The following HMGB1 variants were observed in gnomAD, a reference collection of about 807,000 sequenced individuals.
HMGB1 encodes the protein high mobility group box 1.
For synonymous variants in HMGB1, 81 were observed against 84.0 expected (o/e 0.96, Z 0.19); for missense variants, 79 against 253.5 (o/e 0.31, Z 4.67).
chr13:30,544,594 G>T (rs139893100), intron 1 of HMGB1, among the ~76,000 whole-genome samples: 1 of 152,288 alleles, frequency 6.6e-6, no homozygotes, highest in East Asian at 1.9e-4. Context: ...TTCCTGGAAC[G>T]TGGTGCCCCT....
chr13:30,483,388 CTCCAG>C (rs1887282201), intron 1 of HMGB1, among the ~76,000 whole-genome samples: 1 of 152,106 alleles, frequency 6.6e-6, no homozygotes, highest in African/African-American at 2.4e-5. Flanking sequence ...CCAGCAAACC[CTCCAG>C]TCCTAGGGAT....
chr13:30,554,429 T>C, intron 1 of HMGB1: 1 of 839,102 alleles, frequency 1.2e-6, no homozygotes, highest in African/African-American at 1.7e-5. Flanking sequence ...CATGAGAAAA[T>C]ACTGAATGGG....
upstream of HMGB1, among the ~76,000 whole-genome samples, chr13:30,468,839 A>G (rs886952524): frequency 2.0e-5 from 3 of 152,156 alleles, no homozygotes; most frequent in Non-Finnish European, 4.4e-5. Flanking sequence ...CTTCCACATG[A>G]ATCCTTAGTC....
chr13:30,514,808 C>T (rs527848272), intron 1 of HMGB1, among the ~76,000 whole-genome samples: 5 of 152,230 alleles, frequency 3.3e-5, no homozygotes, highest in African/African-American at 1.2e-4. Context: ...TAACTATCAT[C>T]TTTTAACTGT....
intron 1 of HMGB1, among the ~76,000 whole-genome samples, chr13:30,549,790 C>T (rs750566634): frequency 5.3e-5 from 8 of 151,388 alleles, no homozygotes; most frequent in South Asian, 2.1e-4. Context: ...GATCTCGACT[C>T]ACTGCAACCT....
chr13:30,588,456 G>A (rs148912704), intron 1 of HMGB1, among the ~76,000 whole-genome samples: 6 of 152,248 alleles, frequency 3.9e-5, no homozygotes, highest in South Asian at 4.1e-4. Flanking sequence ...AGGACTGAGC[G>A]TGAAATGTTA....
intron 1 of HMGB1, among the ~76,000 whole-genome samples, chr13:30,543,659 T>C (rs1869016618): frequency 2.0e-5 from 3 of 152,156 alleles, no homozygotes; most frequent in African/African-American, 7.2e-5. Context: ...TTTGTTTGGA[T>C]ACCAGGGAGA....
intron 1 of HMGB1, among the ~76,000 whole-genome samples, chr13:30,518,371 T>C (rs1232013951): frequency 6.6e-6 from 1 of 152,148 alleles, no homozygotes; most frequent in African/African-American, 2.4e-5. Context: ...CCAGCTGTCT[T>C]TTCCTATTTC....
At chr13:30,554,331 G>C (rs1869576797) in intron 1 of HMGB1, 2 of 928,722 alleles carry the variant, frequency 2.2e-6, no homozygotes, top group Admixed American at 3.4e-5. Flanking sequence ...GAAGGCACTG[G>C]GTGCACGGGC....
chr13:30,583,346 A>G (rs1422565913), intron 1 of HMGB1, among the ~76,000 whole-genome samples: 1 of 151,924 alleles, frequency 6.6e-6, no homozygotes, highest in African/African-American at 2.4e-5. Flanking sequence ...CAGCTTAGAC[A>G]ACATGGTGAA....
chr13:30,537,159 C>A (rs1302763332), intron 1 of HMGB1, among the ~76,000 whole-genome samples: 1 of 152,108 alleles, frequency 6.6e-6, no homozygotes, highest in Admixed American at 6.6e-5. Context: ...ATGTTACAGG[C>A]ATTTCTCCTT....
At chr13:30,612,485 A>T (rs1950521734) in intron 1 of HMGB1, among the ~76,000 whole-genome samples, 1 of 152,210 alleles carries the variant, frequency 6.6e-6, no homozygotes. Context: ...TTACTAAAGC[A>T]TATCTAACCT....
intron 1 of HMGB1, among the ~76,000 whole-genome samples, chr13:30,514,513 T>G (rs3742304): frequency 0.099 from 15,076 of 151,720 alleles, 1,096 homozygotes; most frequent in African/African-American, 0.19. Flanking sequence ...TAGGTGACCT[T>G]TCTAATCAAT....
chr13:30,465,169 G>GCGGCGCCGCTCC, intron 1 of HMGB1: 3 of 961,128 alleles, frequency 3.1e-6, no homozygotes, highest in Non-Finnish European at 3.7e-6. Flanking sequence ...AGCGAGCGCA[G>GCGGCGCCGCTCC]CGGCGCCGCT....
chr13:30,535,458 T>C (rs1868385159), intron 1 of HMGB1, among the ~76,000 whole-genome samples: 1 of 152,224 alleles, frequency 6.6e-6, no homozygotes, highest in South Asian at 2.1e-4. Context: ...ACAAAAAAGG[T>C]GAACATCTTT....
intron 1 of HMGB1, among the ~76,000 whole-genome samples, chr13:30,475,508 C>T (rs1185912419): frequency 1.1e-4 from 17 of 148,596 alleles, no homozygotes; most frequent in African/African-American, 2.0e-4. Flanking sequence ...CCAATGTGCC[C>T]GGTTTGAGAC....
rs558855733 is a variant in HMGB1 at position 30,575,308 on chromosome 13, C to G, written c.-15+41363G>C. On this transcript the variant is annotated intron_variant, in intron 1 of 4. Transcript: ENST00000405805. ...AGTCAGCTCATATTTTCAGTAAGTA[C>G]TGATGAGGATGTACTGGCCCTATTG... Among the ~76,000 whole-genome samples, 36 of 152,246 alleles carry G rather than the reference C, an allele frequency of 2.4e-4. 1 individual carries two copies. The South Asian group carries it at 2.7e-3, about 11-fold the overall frequency.
At chr13:30,600,870 T>C (rs1322259748) in intron 1 of HMGB1, among the ~76,000 whole-genome samples, 3 of 152,192 alleles carry the variant, frequency 2.0e-5, no homozygotes, top group Admixed American at 2.0e-4. Context: ...TAAATGAACA[T>C]CTCAGAGCTT....
chr13:30,553,635 T>C, intron 1 of HMGB1: 1 of 656,122 alleles, frequency 1.5e-6, no homozygotes, highest in Non-Finnish European at 2.8e-6. Context: ...AACCTCACTC[T>C]TCCATTTCTC....
Sources: gnomAD v4.1 joint callset for allele counts (sites outside exome capture counted in the v4.1 genomes callset) on GRCh38, gnomAD v4.1.1 for gene constraint, MANE v1.5 for transcripts, NCBI Gene and HGNC (gene_info 2026-07-23, HGNC 2026-07-21) for gene names.